Variants in MCF2L observed in about 807,000 individuals in gnomAD.
The protein encoded by MCF2L is guanine nucleotide exchange factor DBS.
A neutral mutation model predicts 153.4 loss-of-function variants in MCF2L; 97 were observed. The ratio of observed to expected loss-of-function variants is 0.63; its 90% CI spans 0.54 to 0.75. The LOEUF is 0.75. Among genes scored for constraint, MCF2L ranks in the 30% least tolerant of loss-of-function variants. The probability of loss-of-function intolerance (pLI) is 0.00; values close to 1 mark genes in which losing one functional copy is unlikely to be tolerated. For missense variants in MCF2L, 1,347 were observed against 1,495.2 expected, an observed-to-expected ratio of 0.90 and a Z score of 1.64; for synonymous variants, 659 against 632.2, an observed-to-expected ratio of 1.04 and a Z score of -0.64.
intron 24 of MCF2L, 26 bp from the exon 25 acceptor site, chr13:113,088,536 G>GTGGT (rs749536606): frequency 6.2e-7 from 1 of 1,611,664 alleles, no homozygotes; most frequent in Non-Finnish European, 8.5e-7. Flanking sequence ...GCTCGTTCAC[G>GTGGT]TGGTTTGTCT....
At chr13:113,002,351 A>G (rs1490858995) in intron 1 of MCF2L, among the ~76,000 whole-genome samples, 1 of 152,224 alleles carries the variant, frequency 6.6e-6, no homozygotes, top group African/African-American at 2.4e-5. Context: ...GGTTTTTCAT[A>G]GACAGGCTAT....
chr13:113,087,601 C>A, intron 22 of MCF2L, 106 bp from the exon 23 acceptor site: 1 of 1,168,222 alleles, frequency 8.6e-7, no homozygotes, highest in Non-Finnish European at 1.2e-6. Context: ...TCTTAGCCCT[C>A]ACCCCCAAAG....
chr13:112,942,996 G>A (rs574794971), intron 2 of MCF2L, among the ~76,000 whole-genome samples: 6 of 152,316 alleles, frequency 3.9e-5, no homozygotes, highest in African/African-American at 1.2e-4. Flanking sequence ...GATATGGTGT[G>A]TGAAGATAAT....
At chr13:112,924,928 G>A (rs1261867327) in intron 2 of MCF2L, among the ~76,000 whole-genome samples, 1 of 152,214 alleles carries the variant, frequency 6.6e-6, no homozygotes, top group African/African-American at 2.4e-5. Flanking sequence ...AAATCAGGCT[G>A]CCTGGGGAAG....
At chr13:112,898,727 C>G (rs2140487863) in intron 1 of MCF2L, among the ~76,000 whole-genome samples, 1 of 152,310 alleles carries the variant, frequency 6.6e-6, no homozygotes, top group Non-Finnish European at 1.5e-5. Flanking sequence ...CCCCCAAGTC[C>G]CTGAGTCCCC....
At position 113,065,042 on chromosome 13, in the gene MCF2L, G is replaced by A. The variant is rs1594904456; in HGVS notation, c.713G>A (p.Ser238Asn). 3 of 1,612,224 alleles carry A rather than the reference G, an allele frequency of 1.9e-6. No individual in the cohort carries two copies. The highest frequency in any genetic ancestry group is 4.5e-5 in the East Asian group (2 of 44,834). The change falls in exon 7 of 30, where the codon AGC becomes AAC. Residue 238 changes from serine to asparagine, a missense_variant. Ser to Asn is a conservative substitution (Grantham distance 46, BLOSUM62 1). Coordinates refer to ENST00000535094, the MANE Select transcript of MCF2L (RefSeq NM_001112732.3). ...CTGCCCAATGACGTCCAGTCGACAAGCTCAGTGCTGTGTGCGCACACAGAG... is the reference window on the plus strand; with the variant it reads ...CTGCCCAATGACGTCCAGTCGACAAACTCAGTGCTGTGTGCGCACACAGAG... ...TELPNDVQST[S>N]SVLCAHTEKK...
intron 1 of MCF2L, chr13:112,979,776 C>T (rs760032245): frequency 2.2e-5 from 36 of 1,605,214 alleles, no homozygotes; most frequent in South Asian, 2.2e-4. Context: ...ACAATGGGGT[C>T]GCAGGGCATG....
chr13:112,979,712 G>T (rs773388282), intron 1 of MCF2L: 7 of 1,612,580 alleles, frequency 4.3e-6, no homozygotes, highest in Non-Finnish European at 5.9e-6. Flanking sequence ...GGCGGCTGTG[G>T]TCACTGCCCA....
intron 1 of MCF2L, among the ~76,000 whole-genome samples, chr13:113,012,923 C>T (rs1412941779): frequency 1.6e-5 from 2 of 126,086 alleles, no homozygotes; most frequent in African/African-American, 6.0e-5. Context: ...GTGATGCGGA[C>T]GGTGGACAGG....
chr13:113,044,591 A>G, intron 3 of MCF2L: 2 of 1,549,396 alleles, frequency 1.3e-6, no homozygotes, highest in East Asian at 2.4e-5. Context: ...GCATCACGCA[A>G]TTGGCTTGGC....
At chr13:112,902,947 G>T (rs996669104) in intron 2 of MCF2L, among the ~76,000 whole-genome samples, 1 of 152,218 alleles carries the variant, frequency 6.6e-6, no homozygotes, top group African/African-American at 2.4e-5. Context: ...TCTCTCTCCA[G>T]CCCCTGCCTG....
chr13:113,055,900 C>T (rs2141670579), intron 4 of MCF2L, among the ~76,000 whole-genome samples: 1 of 152,310 alleles, frequency 6.6e-6, no homozygotes, highest in East Asian at 1.9e-4. Context: ...TCCCTGGGGG[C>T]CGAGGCTGGA....
intron 1 of MCF2L, among the ~76,000 whole-genome samples, chr13:112,989,702 G>A (rs935701287): frequency 4.1e-5 from 6 of 147,798 alleles, no homozygotes; most frequent in Non-Finnish European, 4.5e-5. Flanking sequence ...TACCACACCC[G>A]AGTCCTCCCT....
At chr13:112,977,676 A>T (rs1474114318) in intron 1 of MCF2L, among the ~76,000 whole-genome samples, 1 of 152,216 alleles carries the variant, frequency 6.6e-6, no homozygotes, top group Non-Finnish European at 1.5e-5. Context: ...TACCACGCAC[A>T]AGGGAAGGAA....
intron 2 of MCF2L, among the ~76,000 whole-genome samples, chr13:112,913,712 G>T (rs990056548): frequency 1.3e-5 from 2 of 152,158 alleles, no homozygotes; most frequent in African/African-American, 2.4e-5. Flanking sequence ...TGTGGATCAC[G>T]GCTGCCCCAG....
chr13:113,087,626 C>T (rs1377904008), intron 22 of MCF2L, 81 bp from the exon 23 acceptor site: 20 of 1,269,700 alleles, frequency 1.6e-5, no homozygotes, highest in Admixed American at 5.5e-5. Context: ...TCCATCATTT[C>T]GTGCCTGCAC....
rs1209119826 is a variant in MCF2L at position 112,969,528 on chromosome 13, T to G, written c.79+70T>G. ...CATCATGGGCTGAAATGTGGGGAAATGCGTCTGATTTTTGTAAGCCGCCCT... is the reference window on the plus strand; with the variant it reads ...CATCATGGGCTGAAATGTGGGGAAAGGCGTCTGATTTTTGTAAGCCGCCCT... On this transcript the variant is annotated intron_variant, in intron 1 of 29. Transcript: ENST00000535094. The surrounding 1 kb of genome is among the most constrained non-coding windows in gnomAD (Gnocchi z 4.8). 6.5e-7 allele frequency: 1 copy of G among 1,541,746 alleles called. No homozygotes were observed. Among genetic ancestry groups the G allele is most frequent in the African/African-American group, 1.4e-5 (1 of 72,834 alleles).
chr13:112,961,187 G>A (rs191776509), intron 2 of MCF2L, among the ~76,000 whole-genome samples: 7 of 152,236 alleles, frequency 4.6e-5, no homozygotes, highest in South Asian at 2.1e-4. Context: ...CTGAAGATGC[G>A]GGCTGCTAAG....
chr13:113,085,497 T>C (rs1377960408), intron 20 of MCF2L, among the ~76,000 whole-genome samples: 2 of 152,160 alleles, frequency 1.3e-5, no homozygotes, highest in African/African-American at 4.8e-5. Context: ...AGCAGGGACG[T>C]GGGGCGGCCT....
Sources: gnomAD v4.1 joint callset for allele counts (sites outside exome capture counted in the v4.1 genomes callset) on GRCh38, gnomAD v4.1.1 for gene constraint, Gnocchi (gnomAD v3.1) non-coding constraint, MANE v1.5 for transcripts, NCBI Gene and HGNC (gene_info 2026-07-23, HGNC 2026-07-21) for gene names.